Variants in ZDHHC2 observed in about 807,000 individuals in gnomAD.
The protein encoded by ZDHHC2 is zDHHC palmitoyltransferase 2.
Under a neutral mutation model 55.6 loss-of-function variants are expected in ZDHHC2, and 51 were observed. The observed-to-expected ratio is 0.92, with a 90% confidence interval of 0.73 to 1.16. The LOEUF (loss-of-function observed/expected upper bound fraction) is 1.16. ZDHHC2 is among the 50% of genes most tolerant of loss of function. The pLI is 0.00. For missense variants in ZDHHC2, 491 were observed against 442.4 expected, an observed-to-expected ratio of 1.11 and a Z score of -0.99; for synonymous variants, 199 against 152.9, an observed-to-expected ratio of 1.30 and a Z score of -2.22.
chr8:17,204,804 A>G (rs1807014787), intron 6 of ZDHHC2, among the ~76,000 whole-genome samples: 2 of 152,158 alleles, frequency 1.3e-5, no homozygotes, highest in Admixed American at 6.5e-5. Flanking sequence ...TATCCCAAAA[A>G]TTAAAGTAAA....
At chr8:17,198,132 T>C (rs1806418804) in intron 5 of ZDHHC2, among the ~76,000 whole-genome samples, 1 of 152,184 alleles carries the variant, frequency 6.6e-6, no homozygotes, top group Non-Finnish European at 1.5e-5. Flanking sequence ...TATATTGTTT[T>C]TAGGAAATGA....
chr8:17,167,557 A>G (rs962403965), intron 1 of ZDHHC2, among the ~76,000 whole-genome samples: 4 of 151,968 alleles, frequency 2.6e-5, no homozygotes, highest in African/African-American at 9.7e-5. Flanking sequence ...CGGCCTCCCA[A>G]AGTGCTGGGA....
chr8:17,195,123 T>G (rs752238066), intron 3 of ZDHHC2, among the ~76,000 whole-genome samples: 1 of 152,216 alleles, frequency 6.6e-6, no homozygotes, highest in Non-Finnish European at 1.5e-5. Flanking sequence ...ACATTTGTTC[T>G]TAATGATCTA....
At chr8:17,162,321 A>G (rs1388496887) in intron 1 of ZDHHC2, among the ~76,000 whole-genome samples, 1 of 152,246 alleles carries the variant, frequency 6.6e-6, no homozygotes, top group East Asian at 1.9e-4. Context: ...ATTCAATTGT[A>G]TAATGCAAAT....
rs34608913 is a variant in ZDHHC2 at position 17,221,980 on chromosome 8, G to GTTTTTTTTTT, written c.*1771_*1780dup. ...TTAAGAATTATATGAAGTCAGGTTT[G>GTTTTTTTTTT]TTTTTTTTTTTTTTTTTTTTTCAAA... On this transcript the variant is annotated 3_prime_UTR_variant, in exon 13 of 13. Coordinates refer to ENST00000262096, the MANE Select transcript of ZDHHC2 (RefSeq NM_016353.5). 1.0e-5 allele frequency: 1 copy of GTTTTTTTTTT among 99,572 alleles called. No individual in the cohort carries two copies. The highest frequency in any genetic ancestry group is 3.8e-5 in the African/African-American group (1 of 26,544). The allele number at this position is 99,572 out of a possible 1,614,324, so 6.2% of individuals were successfully genotyped here.
intron 3 of ZDHHC2, among the ~76,000 whole-genome samples, chr8:17,195,068 A>G (rs1417277652): frequency 6.6e-6 from 1 of 152,232 alleles, no homozygotes; most frequent in African/African-American, 2.4e-5. Flanking sequence ...ATTATCCCTA[A>G]GTTAAAACTC....
chr8:17,206,412 G>T (rs933694820), intron 7 of ZDHHC2, among the ~76,000 whole-genome samples: 1 of 152,132 alleles, frequency 6.6e-6, no homozygotes, highest in South Asian at 2.1e-4. Context: ...GTGACCAGAG[G>T]TTCATAGAAA....
chr8:17,166,705 G>A (rs938719557), intron 1 of ZDHHC2, among the ~76,000 whole-genome samples: 3 of 152,156 alleles, frequency 2.0e-5, no homozygotes, highest in African/African-American at 7.2e-5. Context: ...CAATGAAGGG[G>A]AGGAAAACTG....
intron 1 of ZDHHC2, among the ~76,000 whole-genome samples, chr8:17,176,090 G>A (rs1805114507): frequency 6.6e-6 from 1 of 152,144 alleles, no homozygotes; most frequent in South Asian, 2.1e-4. Context: ...ATTGAGTGCA[G>A]AGCCTTGGGA....
rs1250088898 is a variant in ZDHHC2 at position 17,206,987 on chromosome 8, T to C, written c.598-973T>C. 2.0e-5 allele frequency among the ~76,000 whole-genome samples: 3 copies of C among 152,338 alleles called. No homozygotes were observed. The East Asian group carries it at 5.8e-4, about 29-fold the overall frequency. Reference sequence around the variant, plus strand: ...TTCAAGGATTCTTTCAGTGTCCAGCTTGAAAAATGAACCGTAATGAATGTC... The same window carrying C: ...TTCAAGGATTCTTTCAGTGTCCAGCCTGAAAAATGAACCGTAATGAATGTC... On this transcript the variant is annotated intron_variant, in intron 7 of 12. Coordinates refer to ENST00000262096, the MANE Select transcript of ZDHHC2 (RefSeq NM_016353.5).
At chr8:17,168,649 A>G (rs1290656139) in intron 1 of ZDHHC2, among the ~76,000 whole-genome samples, 2 of 152,060 alleles carry the variant, frequency 1.3e-5, no homozygotes, top group Non-Finnish European at 2.9e-5. Context: ...ACTAACCCTC[A>G]TTCTTCCCTC....
Position 17,198,249 on chromosome 8 carries a change from T to G in ZDHHC2, c.444-132T>G, listed in dbSNP as rs558962687. ...AGAACTTCTGCTATTATCCAATTTT[T>G]AGATAAGTAAATAATTTTGCAATAT... On this transcript the variant is annotated intron_variant, in intron 5 of 12. Coordinates refer to ENST00000262096, the MANE Select transcript of ZDHHC2 (RefSeq NM_016353.5). 158 of 745,534 alleles carry G rather than the reference T, an allele frequency of 2.1e-4. 1 individual carries two copies. The South Asian group carries it at 2.5e-3, about 12-fold the overall frequency. 46.2% of individuals were successfully genotyped at this position (745,534 alleles called of 1,614,324 possible).
chr8:17,222,463 T>C lies in ZDHHC2; in HGVS notation c.*2242T>C, dbSNP rs533693734. ...TAACTCGAACTTGAAGACACATACTTCAACTGTCCTTATTGTCCATTAAAC... is the reference window on the plus strand; with the variant it reads ...TAACTCGAACTTGAAGACACATACTCCAACTGTCCTTATTGTCCATTAAAC... On this transcript the variant is annotated 3_prime_UTR_variant, in exon 13 of 13. Transcript: ENST00000262096. 7.2e-5 allele frequency: 11 copies of C among 152,012 alleles called. No homozygotes were observed. In the East Asian group the frequency reaches 2.1e-3, roughly 29 times the overall value. 9.4% of individuals were successfully genotyped at this position (152,012 alleles called of 1,614,324 possible). A position where few individuals can be genotyped will look rare whatever the true frequency, so the allele number is the denominator to read the frequency against.
intron 3 of ZDHHC2, among the ~76,000 whole-genome samples, chr8:17,191,632 C>G (rs1434435035): frequency 6.6e-6 from 1 of 152,186 alleles, no homozygotes; most frequent in African/African-American, 2.4e-5. Flanking sequence ...CATGTTGTTG[C>G]AAATGATGGG....
At chr8:17,212,440 GC>G (rs989424693) in intron 10 of ZDHHC2, among the ~76,000 whole-genome samples, 7 of 152,150 alleles carry the variant, frequency 4.6e-5, no homozygotes, top group African/African-American at 1.7e-4. Context: ...ACGTGTTCAT[GC>G]TAGAAACTGT....
At chr8:17,169,232 A>ATT (rs33912144) in intron 1 of ZDHHC2, among the ~76,000 whole-genome samples, 42 of 137,348 alleles carry the variant, frequency 3.1e-4, no homozygotes, top group South Asian at 9.7e-4. Flanking sequence ...CACTGCAGCA[A>ATT]TTTTTTTTTT....
At chr8:17,194,807 C>CT (rs536265365) in intron 3 of ZDHHC2, among the ~76,000 whole-genome samples, 72 of 151,816 alleles carry the variant, frequency 4.7e-4, no homozygotes, top group Non-Finnish European at 7.4e-4. Context: ...GAGTTGTGTT[C>CT]TTTTTTTTGT....
At chr8:17,217,100 T>C (rs375675077) in intron 11 of ZDHHC2, 72 bp from the exon 12 acceptor site, 41 of 1,476,472 alleles carry the variant, frequency 2.8e-5, no homozygotes, top group Middle Eastern at 1.8e-4. Context: ...TCCTTATTCA[T>C]AGATGAATAA....
intron 3 of ZDHHC2, 51 bp downstream of exon 3, chr8:17,186,476 T>A: frequency 9.4e-7 from 1 of 1,067,352 alleles, no homozygotes; most frequent in South Asian, 1.9e-5. Flanking sequence ...TCAATAATAC[T>A]GATGTATTAT....
Sources: allele counts gnomAD v4.1 joint callset (sites outside exome capture counted in the v4.1 genomes callset), GRCh38; gene constraint gnomAD v4.1.1; transcripts MANE v1.5; gene names NCBI Gene and HGNC (gene_info 2026-07-23, HGNC 2026-07-21).